GNE: variants seen among roughly 807,000 people sequenced by gnomAD.
GNE encodes bifunctional UDP-N-acetylglucosamine 2-epimerase/N-acetylmannosamine kinase.
In GNE, 41 loss-of-function variants were observed where a neutral mutation model predicts 61.8. The observed-to-expected ratio is 0.66, with a 90% CI of 0.52 to 0.86. The LOEUF (loss-of-function observed/expected upper bound fraction) is 0.86. Among genes scored for constraint, GNE ranks in the 40% least tolerant of loss-of-function variants. The pLI is 0.00. For missense variants in GNE, 608 were observed against 909.1 expected, an observed-to-expected ratio of 0.67 and a Z score of 4.26; for synonymous variants, 264 against 326.4, an observed-to-expected ratio of 0.81 and a Z score of 2.06.
At chr9:36,231,066 T>TAAAAAAA (rs529903965) in intron 5 of GNE, among the ~76,000 whole-genome samples, 7 of 68,318 alleles carry the variant, frequency 1.0e-4, no homozygotes, top group South Asian at 5.0e-4. Context: ...ACTGCTTCAC[T>TAAAAAAA]AAAAAAAAAA....
intron 3 of GNE, among the ~76,000 whole-genome samples, chr9:36,237,415 G>A (rs945245463): frequency 6.6e-5 from 10 of 152,178 alleles, no homozygotes; most frequent in Non-Finnish European, 1.5e-5. Flanking sequence ...AGAATGCACA[G>A]GAGCTTTCCT....
intron 2 of GNE, among the ~76,000 whole-genome samples, 192 bp from the exon 3 acceptor site, chr9:36,246,674 T>G (rs1176679022): frequency 6.8e-6 from 1 of 147,196 alleles, no homozygotes; most frequent in African/African-American, 2.5e-5. Context: ...TTTTTTTTTT[T>G]TTTTTTTTTT....
upstream of GNE, among the ~76,000 whole-genome samples, chr9:36,259,899 T>G (rs1830548854): frequency 6.6e-6 from 1 of 152,096 alleles, no homozygotes; most frequent in Non-Finnish European, 1.5e-5. Context: ...CGACCTTAGG[T>G]GATCCGCCCA....
At chr9:36,220,731 A>G (rs1346034440) in intron 9 of GNE, among the ~76,000 whole-genome samples, 1 of 152,234 alleles carries the variant, frequency 6.6e-6, no homozygotes, top group Admixed American at 6.5e-5. Flanking sequence ...AAAATATGAA[A>G]TAATGATTTT....
rs533002501 is a variant in GNE, at chr9:36,224,926, A to G, written c.1282-1424T>C. Among the ~76,000 whole-genome samples, 9 of 152,358 alleles carry G rather than the reference A, an allele frequency of 5.9e-5. No individual in the cohort carries two copies. The East Asian group carries it at 1.7e-3, about 29-fold the overall frequency. On this transcript the variant is annotated intron_variant, in intron 7 of 11. Transcript: ENST00000642385. Reference sequence around the variant, plus strand: ...ATATGTTTTAATACCAAACAGGGATAGTCCCTCCTGATTACTTGTCTTTAT... The same window carrying G: ...ATATGTTTTAATACCAAACAGGGATGGTCCCTCCTGATTACTTGTCTTTAT...
intron 1 of GNE, among the ~76,000 whole-genome samples, chr9:36,271,928 A>G (rs535923895): frequency 6.6e-6 from 1 of 152,174 alleles, no homozygotes; most frequent in Admixed American, 6.6e-5. Flanking sequence ...GTCAATAAAC[A>G]TTCAGTCAAA....
At chr9:36,219,343 T>C (rs572282319) in intron 10 of GNE, among the ~76,000 whole-genome samples, 2 of 152,090 alleles carry the variant, frequency 1.3e-5, no homozygotes, top group Non-Finnish European at 2.9e-5. Flanking sequence ...AGAACCCTAC[T>C]GTAGGGCTCT....
intron 1 of GNE, among the ~76,000 whole-genome samples, chr9:36,266,511 T>G (rs1830796198): frequency 6.6e-6 from 1 of 152,148 alleles, no homozygotes. Flanking sequence ...TAGTGGCTCA[T>G]GCCTGTAATC....
rs940410060 is a variant in GNE, at chr9:36,216,405, G to C, written c.*960C>G. 3.1e-6 allele frequency: 1 copy of C among 320,532 alleles called. No individual in the cohort carries two copies. Among genetic ancestry groups the C allele is most frequent in the Non-Finnish European group, 6.7e-6 (1 of 148,836 alleles). 19.9% of individuals were successfully genotyped at this position (320,532 alleles called of 1,614,324 possible). On this transcript the variant is annotated 3_prime_UTR_variant, in exon 12 of 12. Transcript: ENST00000642385. ...GGGTGGAGTGCAGTGGCATGATCTC[G>C]GCTCACTGCAACCTCCGCCTCCCGG... is the stretch of plus-strand genomic sequence containing the variant.
At chr9:36,274,222 A>C (rs1409327010) in intron 1 of GNE, among the ~76,000 whole-genome samples, 1 of 151,864 alleles carries the variant, frequency 6.6e-6, no homozygotes, top group Admixed American at 6.6e-5. Context: ...CAGCCACCTG[A>C]GTAGCTAGGA....
chr9:36,272,501 G>T (rs1166139559), intron 1 of GNE, among the ~76,000 whole-genome samples: 1 of 151,534 alleles, frequency 6.6e-6, no homozygotes, highest in Non-Finnish European at 1.5e-5. Context: ...GGCCCCTGTA[G>T]TCCCAGCTAC....
chr9:36,242,785 T>C (rs1829699241), intron 3 of GNE, among the ~76,000 whole-genome samples: 1 of 136,564 alleles, frequency 7.3e-6, no homozygotes, highest in South Asian at 2.4e-4. Context: ...TCACCCAGGC[T>C]GGAGTGTGGA....
intron 1 of GNE, among the ~76,000 whole-genome samples, chr9:36,253,212 T>C (rs1159981676): frequency 2.0e-5 from 3 of 151,884 alleles, no homozygotes; most frequent in Non-Finnish European, 4.4e-5. Context: ...TGTGTATACA[T>C]ACACACATAC....
chr9:36,233,906 G>A lies in GNE; in HGVS notation c.982+14C>T. On this transcript the variant is annotated intron_variant, in intron 5 of 11. Coordinates refer to ENST00000642385, the MANE Select transcript of GNE (RefSeq NM_005476.7). Reference sequence around the variant, plus strand: ...TAAAGCCTAGTCAGTTGAAGTATGAGCAAAGGTAAATACCTGTTTCTCTTC... The same window carrying A: ...TAAAGCCTAGTCAGTTGAAGTATGAACAAAGGTAAATACCTGTTTCTCTTC... 6.3e-7 allele frequency: 1 copy of A among 1,595,606 alleles called. No individual in the cohort carries two copies.
chr9:36,262,637 T>G (rs1056394778), upstream of GNE, among the ~76,000 whole-genome samples: 1 of 152,154 alleles, frequency 6.6e-6, no homozygotes, highest in Non-Finnish European at 1.5e-5. Context: ...TAGAGATTAC[T>G]CCATAAGCAT....
chr9:36,226,631 C>A (rs926955363), intron 7 of GNE, among the ~76,000 whole-genome samples: 1 of 152,270 alleles, frequency 6.6e-6, no homozygotes, highest in African/African-American at 2.4e-5. Flanking sequence ...TATTTCTCAT[C>A]GTCTCTGGAA....
intron 4 of GNE, among the ~76,000 whole-genome samples, chr9:36,235,349 G>A (rs1013889664): frequency 6.6e-6 from 1 of 152,138 alleles, no homozygotes; most frequent in African/African-American, 2.4e-5. Context: ...TGGGGAACAG[G>A]GCACTAAGCC....
In GNE at chr9:36,233,913, T is replaced by A; in HGVS notation, c.982+7A>T. Reference sequence around the variant, plus strand: ...TAGTCAGTTGAAGTATGAGCAAAGGTAAATACCTGTTTCTCTTCCAATCTG... The same window carrying A: ...TAGTCAGTTGAAGTATGAGCAAAGGAAAATACCTGTTTCTCTTCCAATCTG... On this transcript the variant is annotated splice_region_variant and intron_variant, in intron 5 of 11. Transcript: ENST00000642385. The A allele has an allele frequency of 6.2e-7, 1 of 1,606,790 alleles. No individual in the cohort carries two copies. The highest frequency in any genetic ancestry group is 8.5e-7 in the Non-Finnish European group (1 of 1,173,346).
Position 36,218,544 on chromosome 9 carries a change from C to T in GNE, c.1817-245G>A, listed in dbSNP as rs1828436491. On this transcript the variant is annotated intron_variant, in intron 10 of 11. Coordinates refer to ENST00000642385, the MANE Select transcript of GNE (RefSeq NM_005476.7). The surrounding 1 kb of genome is among the most constrained non-coding windows in gnomAD (Gnocchi z 4.1). Reference sequence around the variant, plus strand: ...AAACCTCAAGTCTGACGACAGCCTCCTACCCCTCTGGCTCCCTCACTTCTC... The same window carrying T: ...AAACCTCAAGTCTGACGACAGCCTCTTACCCCTCTGGCTCCCTCACTTCTC... 6.6e-6 allele frequency among the ~76,000 whole-genome samples: 1 copy of T among 152,226 alleles called. No homozygotes were observed. Among genetic ancestry groups the T allele is most frequent in the African/African-American group, 2.4e-5 (1 of 41,472 alleles).
Sources: gnomAD v4.1 joint callset for allele counts (sites outside exome capture counted in the v4.1 genomes callset) on GRCh38, gnomAD v4.1.1 for gene constraint, Gnocchi (gnomAD v3.1) non-coding constraint, MANE v1.5 for transcripts, NCBI Gene and HGNC (gene_info 2026-07-23, HGNC 2026-07-21) for gene names.